The following SLC35F1 variants were observed in gnomAD, a reference collection of about 807,000 sequenced individuals.
SLC35F1 encodes the protein chromosome 6 open reading frame 169.
SLC35F1 carries 14 observed loss-of-function variants against 48.7 expected under a neutral mutation model. That is an observed-to-expected ratio of 0.29 (90% CI 0.19 to 0.45). SLC35F1 has a LOEUF of 0.45. Ranked by LOEUF, SLC35F1 falls within the 20% of genes least tolerant of loss-of-function variation. SLC35F1 has a pLI of 1.00. For missense variants in SLC35F1, 404 were observed against 500.0 expected (o/e 0.81, Z 1.83); for synonymous variants, 190 against 202.2 (o/e 0.94, Z 0.51).
intron 1 of SLC35F1, among the ~76,000 whole-genome samples, chr6:117,916,231 T>C (rs1269092852): frequency 2.2e-4 from 34 of 152,244 alleles, no homozygotes. Context: ...TTTTTTGTCC[T>C]AATATTTAAG....
At chr6:118,201,583 T>C (rs1192835821) in intron 2 of SLC35F1, among the ~76,000 whole-genome samples, 1 of 152,244 alleles carries the variant, frequency 6.6e-6, no homozygotes, top group Admixed American at 6.5e-5. Context: ...TCAGGTATCA[T>C]GCATGGTTGA....
intron 1 of SLC35F1, among the ~76,000 whole-genome samples, chr6:118,043,827 T>C (rs1772262227): frequency 6.6e-6 from 1 of 152,258 alleles, no homozygotes; most frequent in Non-Finnish European, 1.5e-5. Flanking sequence ...AAGTTTTTGC[T>C]CAGATCTACA....
chr6:117,948,714 A>G (rs1209392777), intron 1 of SLC35F1, among the ~76,000 whole-genome samples: 6 of 152,178 alleles, frequency 3.9e-5, no homozygotes, highest in Non-Finnish European at 1.5e-5. Flanking sequence ...TGAATGAGCA[A>G]TTATAATATA....
In SLC35F1 at chr6:117,923,728, T is replaced by C. The variant is rs868636174; in HGVS notation, c.173+15829T>C. 2.3e-3 allele frequency among the ~76,000 whole-genome samples: 195 copies of C among 86,406 alleles called. 37 individuals carry two copies. The highest frequency in any genetic ancestry group is 0.011 in the Middle Eastern group (1 of 92). 56.7% of individuals were successfully genotyped at this position (86,406 alleles called of 152,430 possible). Reference sequence around the variant, plus strand: ...ATATGTACATATATACATATATACATATGTATATATACATATATGTACATA... The same window carrying C: ...ATATGTACATATATACATATATACACATGTATATATACATATATGTACATA... On this transcript the variant is annotated intron_variant, in intron 1 of 7. Coordinates refer to ENST00000360388, the MANE Select transcript of SLC35F1 (RefSeq NM_001029858.4).
At chr6:118,072,361 G>A (rs1342748844) in intron 1 of SLC35F1, among the ~76,000 whole-genome samples, 5 of 151,988 alleles carry the variant, frequency 3.3e-5, no homozygotes, top group South Asian at 2.1e-4. Flanking sequence ...TCAGGAGATC[G>A]AGACCATCCT....
At chr6:118,083,354 G>C (rs1168796413) in intron 1 of SLC35F1, among the ~76,000 whole-genome samples, 1 of 152,130 alleles carries the variant, frequency 6.6e-6, no homozygotes, top group Non-Finnish European at 1.5e-5. Flanking sequence ...AAAGTAATAA[G>C]GATTATGCTA....
chr6:118,025,310 A>G (rs1725137844), intron 1 of SLC35F1, among the ~76,000 whole-genome samples: 1 of 152,162 alleles, frequency 6.6e-6, no homozygotes, highest in African/African-American at 2.4e-5. Context: ...GATTTTTCTG[A>G]TGTGTTTCTC....
At chr6:117,994,833 A>G (rs1776964190) in intron 1 of SLC35F1, among the ~76,000 whole-genome samples, 1 of 152,222 alleles carries the variant, frequency 6.6e-6, no homozygotes, top group African/African-American at 2.4e-5. Context: ...TATATATCTT[A>G]TTGAATCATT....
intron 1 of SLC35F1, among the ~76,000 whole-genome samples, chr6:117,942,334 G>A (rs1776243456): frequency 6.6e-6 from 1 of 152,106 alleles, no homozygotes; most frequent in African/African-American, 2.4e-5. Flanking sequence ...GGGGAGAAGA[G>A]TTTTTTGAAT....
chr6:118,230,339 CAAA>C (rs5879452), intron 2 of SLC35F1, among the ~76,000 whole-genome samples: 3 of 146,592 alleles, frequency 2.0e-5, no homozygotes. Context: ...ACTCCATCTA[CAAA>C]AAAAAAAAAG....
intron 1 of SLC35F1, chr6:117,999,453 C>G (rs1429932385): frequency 6.3e-7 from 1 of 1,575,530 alleles, no homozygotes; most frequent in African/African-American, 1.3e-5. Context: ...GAGTAGATAT[C>G]TCTGCCAACA....
At chr6:118,035,682 ATTTTTTT>A (rs745704672) in intron 1 of SLC35F1, among the ~76,000 whole-genome samples, 6 of 87,328 alleles carry the variant, frequency 6.9e-5, no homozygotes, top group East Asian at 7.3e-4. Flanking sequence ...GGCTTTGTTA[ATTTTTTT>A]TTTTTTTTTT....
intron 2 of SLC35F1, among the ~76,000 whole-genome samples, chr6:118,232,378 G>A (rs1004399100): frequency 1.2e-4 from 18 of 151,822 alleles, no homozygotes; most frequent in African/African-American, 2.4e-4. Context: ...TAGAAACCCC[G>A]TCTGTACTAA....
intron 1 of SLC35F1, among the ~76,000 whole-genome samples, chr6:118,125,258 C>G (rs1773607020): frequency 6.6e-6 from 1 of 152,020 alleles, no homozygotes; most frequent in Non-Finnish European, 1.5e-5. Context: ...TCTATTGTTA[C>G]AGTAGTGATG....
At chr6:118,114,016 A>G (rs1445352552) in intron 1 of SLC35F1, among the ~76,000 whole-genome samples, 1 of 152,222 alleles carries the variant, frequency 6.6e-6, no homozygotes, top group Non-Finnish European at 1.5e-5. Flanking sequence ...ATAATGGAGT[A>G]AAAATACTAC....
At chr6:117,964,893 A>G (rs554353367) in intron 1 of SLC35F1, among the ~76,000 whole-genome samples, 108 of 152,316 alleles carry the variant, frequency 7.1e-4, no homozygotes, top group Non-Finnish European at 1.0e-3. Flanking sequence ...TCTCTGACTG[A>G]CTAAAGTTAG....
chr6:117,994,980 T>C (rs980027823), intron 1 of SLC35F1, among the ~76,000 whole-genome samples: 4 of 152,238 alleles, frequency 2.6e-5, no homozygotes, highest in Admixed American at 6.5e-5. Context: ...AAGTAAAATT[T>C]CATATCAGCA....
chr6:118,206,725 A>G (rs1413846), intron 2 of SLC35F1, among the ~76,000 whole-genome samples: 97,157 of 151,950 alleles, frequency 0.64, 31,817 homozygotes, highest in African/African-American at 0.76. Context: ...CACCTTTTGT[A>G]TCACAGAGGC....
chr6:118,005,795 A>G (rs970707902), intron 1 of SLC35F1, among the ~76,000 whole-genome samples: 6 of 152,130 alleles, frequency 3.9e-5, no homozygotes. Context: ...ACCGTCTGAT[A>G]CAGCCAAACT....
Sources: allele counts gnomAD v4.1 joint callset (sites outside exome capture counted in the v4.1 genomes callset), GRCh38; gene constraint gnomAD v4.1.1; transcripts MANE v1.5; gene names NCBI Gene and HGNC (gene_info 2026-07-23, HGNC 2026-07-21).